Variants in TBC1D22A observed in about 807,000 individuals in gnomAD.
TBC1D22A encodes the protein TBC1 domain family member 22A.
Under a neutral mutation model 60.2 loss-of-function variants are expected in TBC1D22A, and 38 were observed. The ratio of observed to expected loss-of-function variants is 0.63; its 90% CI spans 0.49 to 0.83. The LOEUF (loss-of-function observed/expected upper bound fraction) is 0.83. Among genes scored for constraint, TBC1D22A ranks in the 40% least tolerant of loss-of-function variants. The pLI, the probability that TBC1D22A is intolerant of heterozygous loss-of-function variation, is 0.00. For missense variants in TBC1D22A, 628 were observed against 701.0 expected (o/e 0.90, Z 1.18); for synonymous variants, 302 against 281.7 (o/e 1.07, Z -0.72).
chr22:46,765,957 A>ATGTGTGTGTG (rs747869318), intron 1 of TBC1D22A, among the ~76,000 whole-genome samples: 11 of 128,568 alleles, frequency 8.6e-5, no homozygotes, highest in Non-Finnish European at 1.5e-4. Flanking sequence ...CAGCTAATTT[A>ATGTGTGTGTG]TGTGTGTGTG....
intron 4 of TBC1D22A, among the ~76,000 whole-genome samples, chr22:46,875,745 C>T (rs149370940): frequency 6.6e-6 from 1 of 152,328 alleles, no homozygotes; most frequent in East Asian, 1.9e-4. Flanking sequence ...GCCACTGCAC[C>T]TGGCCTAGCA....
intron 5 of TBC1D22A, among the ~76,000 whole-genome samples, chr22:46,890,208 G>A (rs577047665): frequency 2.6e-5 from 4 of 151,802 alleles, no homozygotes; most frequent in African/African-American, 4.8e-5. Flanking sequence ...GCGTGGTGGC[G>A]GGTGCCTGTA....
rs1197285666 is a variant in TBC1D22A at position 47,017,559 on chromosome 22, C to T, written c.1202-19512C>T. Among the ~76,000 whole-genome samples the T allele has an allele frequency of 3.9e-5, 6 of 152,244 alleles. No homozygotes were observed. In the East Asian group the frequency reaches 9.7e-4, roughly 25 times the overall value. On this transcript the variant is annotated intron_variant, in intron 10 of 12. Coordinates refer to ENST00000337137, the MANE Select transcript of TBC1D22A (RefSeq NM_014346.5). ...GACACACATGCGCTCTGCCCTCCCT[C>T]GGATCCTGTGTGCCATGGGAATGCC...
chr22:46,907,689 C>T (rs538101372), intron 7 of TBC1D22A, among the ~76,000 whole-genome samples: 74 of 152,326 alleles, frequency 4.9e-4, no homozygotes, highest in South Asian at 4.6e-3. Flanking sequence ...TCCTCTGTGC[C>T]GGCCGTGCAG....
chr22:47,129,604 A>C (rs1243854587), intron 12 of TBC1D22A, among the ~76,000 whole-genome samples: 2 of 152,232 alleles, frequency 1.3e-5, no homozygotes, highest in African/African-American at 4.8e-5. Flanking sequence ...TTTTCCTGTC[A>C]CCTTACATTC....
chr22:46,979,912 A>G (rs974826020), intron 9 of TBC1D22A, among the ~76,000 whole-genome samples: 1 of 152,092 alleles, frequency 6.6e-6, no homozygotes, highest in Non-Finnish European at 1.5e-5. Flanking sequence ...ACTTCTGCCC[A>G]GGAGGGATGA....
Position 46,793,193 on chromosome 22 carries a change from C to T in TBC1D22A, c.120-308C>T, listed in dbSNP as rs534177495. 3.0e-4 allele frequency among the ~76,000 whole-genome samples: 46 copies of T among 152,326 alleles called. No individual in the cohort carries two copies. The East Asian group carries it at 6.2e-3, about 20-fold the overall frequency. ...GCTGGGCAGGAGCCTTACTGGGATT[C>T]GGGGAAGGTGCCCCAGGCACTGGCC... On this transcript the variant is annotated intron_variant, in intron 2 of 12. Transcript: ENST00000337137.
At chr22:47,068,163 T>C (rs1381977555) in intron 11 of TBC1D22A, among the ~76,000 whole-genome samples, 2 of 152,258 alleles carry the variant, frequency 1.3e-5, no homozygotes, top group Non-Finnish European at 2.9e-5. Context: ...GCAGAGACCT[T>C]GTGGGCAGAA....
chr22:47,037,030 G>T lies in TBC1D22A; in HGVS notation c.1202-41G>T, dbSNP rs2062679176. 1.9e-6 allele frequency: 3 copies of T among 1,610,558 alleles called. No homozygotes were observed. In the African/African-American group the frequency reaches 4.0e-5, roughly 21 times the overall value. The stretch of plus-strand genomic sequence containing the variant: ...ACCTGGCTGCCAGTGCCTCCATAGG[G>T]CTCCCCTGACAGCCTTGGGGCCTGT... On this transcript the variant is annotated intron_variant, in intron 10 of 12. Transcript: ENST00000337137.
chr22:46,914,977 G>T, intron 8 of TBC1D22A: 1 of 201,902 alleles, frequency 5.0e-6, no homozygotes, highest in Non-Finnish European at 1.0e-5. Context: ...TGTCTCGCGG[G>T]ATGAGGAGGA....
rs184413685 is a variant in TBC1D22A at position 47,169,054 on chromosome 22, G to A, written c.1426-4444G>A. 2.0e-5 allele frequency among the ~76,000 whole-genome samples: 3 copies of A among 152,302 alleles called. No homozygotes were observed. The East Asian group carries it at 5.8e-4, about 29-fold the overall frequency. On this transcript the variant is annotated intron_variant, in intron 12 of 12. Transcript: ENST00000337137. ...CGGGGCAGGAGTGAGCGGCATGGCG[G>A]CTTCTGTCTAAGTGTGGTCCACTGC...
At chr22:46,866,401 G>A (rs144225691) in intron 4 of TBC1D22A, among the ~76,000 whole-genome samples, 510 of 152,172 alleles carry the variant, frequency 3.4e-3, no homozygotes, top group African/African-American at 0.012. Flanking sequence ...CACCACTCCC[G>A]ACCCCAAAAA....
chr22:47,170,979 C>T (rs578160712), intron 12 of TBC1D22A, among the ~76,000 whole-genome samples: 2 of 152,264 alleles, frequency 1.3e-5, no homozygotes, highest in East Asian at 3.9e-4. Flanking sequence ...GGGGGCCTGC[C>T]TCAGTGAGGG....
intron 1 of TBC1D22A, among the ~76,000 whole-genome samples, 191 bp downstream of exon 1, chr22:46,763,039 G>A (rs1170954135): frequency 6.6e-6 from 1 of 152,140 alleles, no homozygotes; most frequent in Non-Finnish European, 1.5e-5. Flanking sequence ...GACAGTGGCT[G>A]CACGTAGGAT....
intron 11 of TBC1D22A, 108 bp downstream of exon 11, chr22:47,037,306 C>G (rs550977643): frequency 6.8e-7 from 1 of 1,469,152 alleles, no homozygotes; most frequent in South Asian, 1.2e-5. Context: ...TTCTTCCAAG[C>G]GCTCTCTCCA....
At chr22:47,134,796 A>G (rs557501207) in intron 12 of TBC1D22A, among the ~76,000 whole-genome samples, 1 of 152,178 alleles carries the variant, frequency 6.6e-6, no homozygotes, top group African/African-American at 2.4e-5. Context: ...TTCTGATGTG[A>G]CAACCGAGCA....
chr22:47,004,762 A>G (rs969155447), intron 10 of TBC1D22A, among the ~76,000 whole-genome samples: 32 of 146,224 alleles, frequency 2.2e-4, no homozygotes, highest in African/African-American at 8.7e-4. Context: ...ACATCTCTAT[A>G]TACACACTCA....
intron 4 of TBC1D22A, among the ~76,000 whole-genome samples, chr22:46,808,655 C>T (rs1024078620): frequency 4.0e-5 from 6 of 151,790 alleles, no homozygotes; most frequent in South Asian, 2.1e-4. Flanking sequence ...AGTGCAGTGG[C>T]GCGATGTTGG....
At chr22:46,904,316 T>A (rs1315472269) in intron 7 of TBC1D22A, among the ~76,000 whole-genome samples, 1 of 137,940 alleles carries the variant, frequency 7.2e-6, no homozygotes, top group African/African-American at 3.1e-5. Context: ...CTCTTTTTCT[T>A]ATAACAGGCT....
Sources: gnomAD v4.1 joint callset for allele counts (sites outside exome capture counted in the v4.1 genomes callset) on GRCh38, gnomAD v4.1.1 for gene constraint, MANE v1.5 for transcripts, NCBI Gene and HGNC (gene_info 2026-07-23, HGNC 2026-07-21) for gene names.